The following ZNF385D variants were observed in gnomAD, a reference collection of about 807,000 sequenced individuals.
ZNF385D encodes zinc finger protein 385D.
Under a neutral mutation model 35.8 loss-of-function variants are expected in ZNF385D, and 15 were observed. That is an observed-to-expected ratio of 0.42 (90% CI 0.28 to 0.64). The LOEUF (loss-of-function observed/expected upper bound fraction) is 0.64. Among genes scored for constraint, ZNF385D ranks in the 30% least tolerant of loss-of-function variants. The probability of loss-of-function intolerance (pLI) is 0.23; values close to 1 mark genes in which losing one functional copy is unlikely to be tolerated. For missense variants in ZNF385D, 474 were observed against 494.6 expected (o/e 0.96, Z 0.39); for synonymous variants, 212 against 186.8 (o/e 1.13, Z -1.10).
chr3:22,068,002 A>T (rs1364873000), intron 3 of ZNF385D, among the ~76,000 whole-genome samples: 1 of 118,210 alleles, frequency 8.5e-6, no homozygotes, highest in East Asian at 2.2e-4. Context: ...AAAGAGCAAG[A>T]CTCCACTGGA....
At chr3:22,077,230 T>C (rs1442145408) in intron 3 of ZNF385D, among the ~76,000 whole-genome samples, 2 of 152,006 alleles carry the variant, frequency 1.3e-5, no homozygotes, top group African/African-American at 2.4e-5. Context: ...TCTTTTACTG[T>C]ATAATTGCAC....
intron 3 of ZNF385D, among the ~76,000 whole-genome samples, chr3:21,891,399 G>T (rs541268279): frequency 1.3e-5 from 2 of 152,086 alleles, no homozygotes; most frequent in East Asian, 3.9e-4. Context: ...TCAAATGTCT[G>T]CCCAGCCATC....
chr3:21,565,053 A>G (rs1040035877), intron 2 of ZNF385D, among the ~76,000 whole-genome samples: 2 of 152,208 alleles, frequency 1.3e-5, no homozygotes, highest in Non-Finnish European at 2.9e-5. Flanking sequence ...CCATTGCCCA[A>G]AAATGGATTT....
intron 1 of ZNF385D, among the ~76,000 whole-genome samples, chr3:21,699,253 C>G (rs934495326): frequency 6.6e-6 from 1 of 152,124 alleles, no homozygotes; most frequent in Admixed American, 6.6e-5. Flanking sequence ...AAACCAAACA[C>G]CGCATGTTCT....
In ZNF385D at chr3:21,456,142, T is replaced by C. The variant is rs563118284; in HGVS notation, c.440-18939A>G. On this transcript the variant is annotated intron_variant, in intron 4 of 7. Transcript: ENST00000281523. ...AACACTTTTACACTGTTGGTGGGAC[T>C]GTAAACTAGTTCAACCATTGTGGAA... 3.5e-4 allele frequency among the ~76,000 whole-genome samples: 53 copies of C among 152,334 alleles called. 2 individuals are homozygous for C. In the South Asian group the frequency reaches 0.011, roughly 32 times the overall value.
intron 4 of ZNF385D, among the ~76,000 whole-genome samples, chr3:21,454,822 T>C (rs1034230026): frequency 3.9e-5 from 6 of 152,292 alleles, no homozygotes; most frequent in East Asian, 1.9e-4. Flanking sequence ...GATGACATGA[T>C]TGTATATCTA....
chr3:21,477,533 C>A (rs948346105), intron 4 of ZNF385D, among the ~76,000 whole-genome samples: 1 of 152,096 alleles, frequency 6.6e-6, no homozygotes, highest in Non-Finnish European at 1.5e-5. Flanking sequence ...CTGTTTTGTT[C>A]AAGTCACTGC....
intron 2 of ZNF385D, among the ~76,000 whole-genome samples, chr3:22,285,387 C>A (rs1462022839): frequency 6.6e-6 from 1 of 152,026 alleles, no homozygotes; most frequent in Non-Finnish European, 1.5e-5. Flanking sequence ...ATTTATTTTT[C>A]ATTTAGTCAG....
chr3:21,813,041 T>C (rs2073000733), intron 3 of ZNF385D, among the ~76,000 whole-genome samples: 1 of 152,186 alleles, frequency 6.6e-6, no homozygotes, highest in African/African-American at 2.4e-5. Context: ...TCTGCAATAT[T>C]TGCTGTTCTG....
chr3:21,855,297 A>C (rs1180034194), intron 3 of ZNF385D, among the ~76,000 whole-genome samples: 1 of 151,964 alleles, frequency 6.6e-6, no homozygotes, highest in Non-Finnish European at 1.5e-5. Flanking sequence ...GGCATCCCAA[A>C]TTGCTTACTC....
chr3:21,641,632 C>CTTTTT (rs144071100), intron 2 of ZNF385D, among the ~76,000 whole-genome samples: 4 of 104,726 alleles, frequency 3.8e-5, no homozygotes, highest in Admixed American at 1.1e-4. Flanking sequence ...AACAAGTCAG[C>CTTTTT]TTTTTTTTTT....
At chr3:21,964,506 C>A (rs1425311873) in intron 3 of ZNF385D, among the ~76,000 whole-genome samples, 3 of 48,080 alleles carry the variant, frequency 6.2e-5, no homozygotes, top group Admixed American at 3.8e-4. Context: ...TTTTTTTTTT[C>A]TGAGACGGAG....
intron 1 of ZNF385D, among the ~76,000 whole-genome samples, chr3:21,674,576 C>G (rs2066667391): frequency 6.6e-6 from 1 of 152,076 alleles, no homozygotes; most frequent in Non-Finnish European, 1.5e-5. Flanking sequence ...TTACATTGCA[C>G]CCAACTTGCT....
intron 3 of ZNF385D, among the ~76,000 whole-genome samples, chr3:21,555,554 T>C (rs193215613): frequency 1.3e-5 from 2 of 151,660 alleles, no homozygotes; most frequent in African/African-American, 4.8e-5. Flanking sequence ...CATCCTTTTT[T>C]ATGGCTGCAT....
In ZNF385D at chr3:22,262,737, A is replaced by G. The variant is rs551059614; in HGVS notation, c.107-93702T>C. On this transcript the variant is annotated intron_variant, in intron 2 of 5. Transcript: ENST00000494108. ...AGTTGGTTGTACCAACTACCTGTAC[A>G]AACTTTTTGGGTTGTTTTGAGGATT... 3.4e-3 allele frequency among the ~76,000 whole-genome samples: 513 copies of G among 151,944 alleles called. 4 individuals carry two copies. The highest frequency in any genetic ancestry group is 0.01 in the African/African-American group (432 of 41,488).
intron 1 of ZNF385D, among the ~76,000 whole-genome samples, chr3:21,683,050 G>C (rs1428612883): frequency 1.3e-5 from 2 of 149,740 alleles, no homozygotes; most frequent in Non-Finnish European, 3.0e-5. Flanking sequence ...CCTACTTCAA[G>C]TTTTGATTTC....
chr3:22,345,123 A>C (rs1022869012), intron 2 of ZNF385D, among the ~76,000 whole-genome samples: 1 of 152,218 alleles, frequency 6.6e-6, no homozygotes, highest in African/African-American at 2.4e-5. Flanking sequence ...TATGTGATAC[A>C]GTATTAACTA....
At chr3:21,979,503 T>C (rs896937286) in intron 3 of ZNF385D, 8 of 152,152 alleles carry the variant, frequency 5.3e-5, no homozygotes, top group African/African-American at 1.9e-4. Context: ...CTCTAACAAA[T>C]TGTGGGGCTA....
chr3:21,757,261 G>C (rs1176749450), intron 3 of ZNF385D, among the ~76,000 whole-genome samples: 5 of 151,410 alleles, frequency 3.3e-5, no homozygotes, highest in Admixed American at 2.6e-4. Context: ...CCTCACTATA[G>C]TCACAGCTTC....
Sources: gnomAD v4.1 joint callset for allele counts (sites outside exome capture counted in the v4.1 genomes callset) on GRCh38, gnomAD v4.1.1 for gene constraint, MANE v1.5 for transcripts, NCBI Gene and HGNC (gene_info 2026-07-23, HGNC 2026-07-21) for gene names.